The following TRIM60 variants were observed in gnomAD, a reference collection of about 807,000 sequenced individuals.
TRIM60 encodes the protein tripartite motif containing 60, also known as tripartite motif-containing protein 60.
For missense variants in TRIM60, 524 were observed against 540.8 expected, an observed-to-expected ratio of 0.97 and a Z score of 0.31; for synonymous variants, 189 against 195.2, an observed-to-expected ratio of 0.97 and a Z score of 0.27.
intron 1 of TRIM60, among the ~76,000 whole-genome samples, chr4:165,038,385 T>TTC (rs397880437): frequency 1.3e-5 from 2 of 152,172 alleles, no homozygotes; most frequent in African/African-American, 4.8e-5. Flanking sequence ...ACATTTTTTT[T>TTC]CCCCTCATAT....
intron 1 of TRIM60, among the ~76,000 whole-genome samples, chr4:165,036,477 A>G (rs987462798): frequency 6.6e-6 from 1 of 152,154 alleles, no homozygotes; most frequent in African/African-American, 2.4e-5. Flanking sequence ...TATAGTGACA[A>G]ATTGTGGATG....
chr4:165,037,237 C>T (rs538160530), intron 1 of TRIM60, among the ~76,000 whole-genome samples: 11 of 152,240 alleles, frequency 7.2e-5, no homozygotes, highest in East Asian at 5.8e-4. Context: ...AAACGGATAG[C>T]GTGCTTAGTG....
At chr4:165,037,131 G>A (rs1226087833) in intron 1 of TRIM60, among the ~76,000 whole-genome samples, 2 of 151,760 alleles carry the variant, frequency 1.3e-5, no homozygotes, top group African/African-American at 2.4e-5. Context: ...AACCCAGGAG[G>A]CGGAGGTTGC....
intron 1 of TRIM60, among the ~76,000 whole-genome samples, chr4:165,032,959 A>C (rs748193146): frequency 2.8e-4 from 42 of 151,112 alleles, no homozygotes; most frequent in Non-Finnish European, 3.7e-4. Context: ...ATGCGGGAGG[A>C]TCGCTTGAAC....
rs1255337492 is a variant in TRIM60 at position 165,032,128 on chromosome 4, C to G, written c.-57+16C>G. The G allele has an allele frequency of 6.6e-6, 1 of 152,432 alleles. No individual in the cohort carries two copies. Among genetic ancestry groups the G allele is most frequent in the Non-Finnish European group, 1.5e-5 (1 of 68,208 alleles). The allele number at this position is 152,432 out of a possible 1,614,324, so 9.4% of individuals were successfully genotyped here. A position where few individuals can be genotyped will look rare whatever the true frequency, so the allele number is the denominator to read the frequency against. ...ACTGCTCCAGGTAAGCTGGGAGGGC[C>G]GCAGGAAAGGCGCAGTAGGGCCTGG... is the stretch of plus-strand genomic sequence containing the variant. On this transcript the variant is annotated intron_variant, in intron 1 of 2. Transcript: ENST00000512596.
Position 165,040,015 on chromosome 4 carries a change from C to T in TRIM60, c.-4-54C>T, listed in dbSNP as rs1264796144. ...CACTTCTCACTGGGTTTGCGCTCTA[C>T]GGAGGCAGGACTGATCAAAGGGAGG... On this transcript the variant is annotated intron_variant, in intron 2 of 2. Coordinates refer to ENST00000512596, the MANE Select transcript of TRIM60 (RefSeq NM_152620.3). 7 of 1,461,304 alleles carry T rather than the reference C, an allele frequency of 4.8e-6. No homozygotes were observed. In the African/African-American group the frequency reaches 5.6e-5, roughly 12 times the overall value. 90.5% of individuals were successfully genotyped at this position (1,461,304 alleles called of 1,614,324 possible).
At chr4:165,039,441 G>A (rs1414276998) in intron 2 of TRIM60, 189 bp downstream of exon 2, 4 of 152,210 alleles carry the variant, frequency 2.6e-5, no homozygotes, top group Non-Finnish European at 1.5e-5. Context: ...CTCATCCACA[G>A]GGATGACCGC....
At chr4:165,037,512 A>G (rs1195192123) in intron 1 of TRIM60, among the ~76,000 whole-genome samples, 3 of 151,668 alleles carry the variant, frequency 2.0e-5, no homozygotes, top group Non-Finnish European at 4.4e-5. Flanking sequence ...TTTAGTAGAG[A>G]TGGGGATTCA....
At chr4:165,036,779 G>T (rs552164813) in intron 1 of TRIM60, among the ~76,000 whole-genome samples, 4 of 151,644 alleles carry the variant, frequency 2.6e-5, no homozygotes, top group Non-Finnish European at 4.4e-5. Context: ...TACTGGGGAG[G>T]CTGAGGCAGG....
Position 165,041,171 on chromosome 4 carries a change from T to G in TRIM60, c.1099T>G (p.Cys367Gly). The G allele has an allele frequency of 6.2e-7, 1 of 1,614,216 alleles. No individual in the cohort carries two copies. The highest frequency in any genetic ancestry group is 8.5e-7 in the Non-Finnish European group (1 of 1,180,050). Residue 367 changes from cysteine (C) to glycine (G), a missense_variant, in exon 3 of 3, where the codon TGT becomes GGT. Coordinates refer to ENST00000512596, the MANE Select transcript of TRIM60 (RefSeq NM_152620.3). ...CAAACCTAAATGGATATTGGGTGTGTGTCAAGACTGTCTTCTTAGGAACTG... is the reference window on the plus strand; with the variant it reads ...CAAACCTAAATGGATATTGGGTGTGGGTCAAGACTGTCTTCTTAGGAACTG... ...GNKPKWILGVCQDCLLRNWQD... is the reference protein window; with the variant it reads ...GNKPKWILGVGQDCLLRNWQD...
intron 1 of TRIM60, among the ~76,000 whole-genome samples, chr4:165,033,406 A>G (rs1464757176): frequency 6.6e-6 from 1 of 152,114 alleles, no homozygotes; most frequent in Non-Finnish European, 1.5e-5. Flanking sequence ...CGTGAACTGT[A>G]CTCTCCAGTG....
At position 165,041,083 on chromosome 4, in the gene TRIM60, T is replaced by C. The variant is rs1408912329; in HGVS notation, c.1011T>C (p.Pro337=). 2 of 1,614,210 alleles carry C rather than the reference T, an allele frequency of 1.2e-6. No homozygotes were observed. Among genetic ancestry groups the C allele is most frequent in the South Asian group, 2.2e-5 (2 of 91,084 alleles). ...CYDPRRFYVC[P]AVLGSQRFSS... is the part of the protein sequence containing the mutation. ...ACCCAAGGAGATTTTATGTCTGCCC[T>C]GCTGTCCTAGGCTCTCAGAGATTTA... Residue 337 remains proline (P), a synonymous_variant, in exon 3 of 3, where the codon CCT becomes CCC. Coordinates refer to ENST00000512596, the MANE Select transcript of TRIM60 (RefSeq NM_152620.3).
chr4:165,040,755 C>T lies in TRIM60; in HGVS notation c.683C>T (p.Ser228Phe), dbSNP rs773200467. The T allele has an allele frequency of 1.2e-6, 2 of 1,614,038 alleles. No individual in the cohort carries two copies. Among genetic ancestry groups the T allele is most frequent in the East Asian group, 2.2e-5 (1 of 44,876 alleles). Residue 228 changes from serine (S) to phenylalanine (F), a missense_variant, in exon 3 of 3, where the codon TCC becomes TTC. By Grantham distance (155) the Ser-to-Phe change is radical. Coordinates refer to ENST00000512596, the MANE Select transcript of TRIM60 (RefSeq NM_152620.3). The part of the protein sequence containing the change: ...ENLVELSDYV[S>F]TLKHLLREVE... ...CTTGTAGAACTTTCAGATTATGTTT[C>T]CACATTAAAACATCTACTGAGGGAG...
intron 1 of TRIM60, among the ~76,000 whole-genome samples, chr4:165,037,416 C>T (rs983932772): frequency 3.9e-5 from 6 of 151,956 alleles, no homozygotes; most frequent in Middle Eastern, 3.4e-3. Flanking sequence ...CTCTGCCTCC[C>T]GGGTTCAAGC....
At position 165,041,489 on chromosome 4, in the gene TRIM60, G is replaced by A. The variant is rs1464498342; in HGVS notation, c.*1G>A. 4.6e-6 allele frequency: 7 copies of A among 1,526,276 alleles called. No homozygotes were observed. The highest frequency in any genetic ancestry group is 2.3e-5 in the East Asian group (1 of 44,202). The allele number at this position is 1,526,276 out of a possible 1,614,324, so 94.5% of individuals were successfully genotyped here. A position where few individuals can be genotyped will look rare whatever the true frequency, so the allele number is the denominator to read the frequency against. The stretch of plus-strand genomic sequence containing the variant: ...CTCAGTATCAGATTCTGAAAGATAA[G>A]GAACTGGTAAATGGGTCTGTTTCAG... On this transcript the variant is annotated 3_prime_UTR_variant, in exon 3 of 3. Coordinates refer to ENST00000512596, the MANE Select transcript of TRIM60 (RefSeq NM_152620.3).
intron 1 of TRIM60, among the ~76,000 whole-genome samples, chr4:165,036,629 G>A (rs1733628810): frequency 6.6e-6 from 1 of 152,062 alleles, no homozygotes; most frequent in African/African-American, 2.4e-5. Context: ...TTTCTCATCT[G>A]TCTCACTTTG....
chr4:165,040,344 A>G lies in TRIM60; in HGVS notation c.272A>G (p.Gln91Arg). The change falls in exon 3 of 3, where the codon CAG becomes CGG. Residue 91 changes from glutamine to arginine, a missense_variant. Gln to Arg is a conservative substitution (Grantham distance 43). Coordinates refer to ENST00000512596, the MANE Select transcript of TRIM60 (RefSeq NM_152620.3). ...ATTAGGAGGAGCAAGAGAAAGAGGCAGAAAGAGAATGCCATGTGTGAAAAA... is the reference window on the plus strand; with the variant it reads ...ATTAGGAGGAGCAAGAGAAAGAGGCGGAAAGAGAATGCCATGTGTGAAAAA... ...LQIRRSKRKR[Q>R]KENAMCEKHN... The G allele has an allele frequency of 6.2e-7, 1 of 1,614,234 alleles. No individual in the cohort carries two copies. The highest frequency in any genetic ancestry group is 8.5e-7 in the Non-Finnish European group (1 of 1,180,046).
chr4:165,034,358 TAGTC>T (rs544493813), intron 1 of TRIM60, among the ~76,000 whole-genome samples: 416 of 152,222 alleles, frequency 2.7e-3, no homozygotes, highest in African/African-American at 9.5e-3. Context: ...TTCACCATGT[TAGTC>T]AGGCTGGTCT....
intron 1 of TRIM60, among the ~76,000 whole-genome samples, chr4:165,033,449 A>G (rs76318687): frequency 0.023 from 3,511 of 152,290 alleles, 123 homozygotes; most frequent in African/African-American, 0.08. Context: ...AATAAATGTA[A>G]AAATCTCAAC....
Sources: gnomAD v4.1 joint callset for allele counts (sites outside exome capture counted in the v4.1 genomes callset) on GRCh38, gnomAD v4.1.1 for gene constraint, MANE v1.5 for transcripts, NCBI Gene and HGNC (gene_info 2026-07-23, HGNC 2026-07-21) for gene names.